Variants in BLK observed in about 807,000 individuals in gnomAD.
The protein encoded by BLK is BLK proto-oncogene, Src family tyrosine kinase, also known as tyrosine-protein kinase Blk.
BLK carries 64 observed loss-of-function variants against 61.8 expected under a neutral mutation model. That is an observed-to-expected ratio of 1.03 (90% CI 0.85 to 1.27). The LOEUF is 1.27. Ranked by LOEUF, BLK falls within the 50% of genes most tolerant of loss-of-function variation. BLK has a pLI of 0.00. For missense variants in BLK, 853 were observed against 660.5 expected (o/e 1.29, Z -3.19); for synonymous variants, 351 against 272.0 (o/e 1.29, Z -2.86).
At chr8:11,522,234 G>A (rs1317886906) in intron 1 of BLK, among the ~76,000 whole-genome samples, 1 of 152,036 alleles carries the variant, frequency 6.6e-6, no homozygotes, top group Non-Finnish European at 1.5e-5. Flanking sequence ...ATATGAATAG[G>A]CCGTATACAG....
intron 1 of BLK, among the ~76,000 whole-genome samples, chr8:11,514,566 A>T (rs1799149735): frequency 6.6e-6 from 1 of 152,172 alleles, no homozygotes. Flanking sequence ...CAAGTGACAC[A>T]GTGCAGAGAT....
In BLK at chr8:11,556,774, G is replaced by A; in HGVS notation, c.889G>A (p.Val297Ile). Residue 297 changes from valine to isoleucine, a missense_variant, in exon 9 of 13, where the codon GTC (valine) becomes ATC (isoleucine). Physicochemically the swap from Val to Ile is conservative, Grantham distance 29 (BLOSUM62 3). Transcript: ENST00000259089. Reference protein sequence around the residue: ...VMKALQHERLVRLYAVVTKEP... With the variant: ...VMKALQHERLIRLYAVVTKEP... ...GAAGGCTCTGCAGCACGAGCGGCTGGTCCGACTCTACGCAGTGGTCACCAA... is the reference window on the plus strand; with the variant it reads ...GAAGGCTCTGCAGCACGAGCGGCTGATCCGACTCTACGCAGTGGTCACCAA... 1 of 1,614,232 alleles carries A rather than the reference G, an allele frequency of 6.2e-7. No homozygotes were observed. The highest frequency in any genetic ancestry group is 8.5e-7 in the Non-Finnish European group (1 of 1,180,044).
At chr8:11,515,643 C>G (rs942967331) in intron 1 of BLK, among the ~76,000 whole-genome samples, 4 of 152,226 alleles carry the variant, frequency 2.6e-5, no homozygotes, top group African/African-American at 9.6e-5. Context: ...AGAGGCCAGT[C>G]ACTTACCTCC....
At position 11,564,471 on chromosome 8, in the gene BLK, T is replaced by G; in HGVS notation, c.*363T>G. The G allele has an allele frequency of 1.9e-6, 1 of 533,634 alleles. No homozygotes were observed. The allele number at this position is 533,634 out of a possible 1,614,324, so 33.1% of individuals were successfully genotyped here. On this transcript the variant is annotated 3_prime_UTR_variant, in exon 13 of 13. Coordinates refer to ENST00000259089, the MANE Select transcript of BLK (RefSeq NM_001715.3). ...TGGCCGCGTCCCCGCCTCTGCGCCC[T>G]GCGTGGACCCCGCCCTGCCCCGCTA...
At chr8:11,524,818 G>A (rs1799589215) in intron 1 of BLK, among the ~76,000 whole-genome samples, 1 of 150,594 alleles carries the variant, frequency 6.6e-6, no homozygotes, top group Non-Finnish European at 1.5e-5. Context: ...GGTTGCTGCA[G>A]ACAAAACAGG....
At chr8:11,555,990 C>T (rs1462345608) in intron 8 of BLK, 2 of 285,548 alleles carry the variant, frequency 7.0e-6, no homozygotes, top group Non-Finnish European at 1.4e-5. Flanking sequence ...GGATATAAAA[C>T]TCGTGTTCCG....
intron 1 of BLK, among the ~76,000 whole-genome samples, chr8:11,512,021 C>G (rs1266198481): frequency 2.0e-5 from 3 of 152,174 alleles, no homozygotes; most frequent in Non-Finnish European, 4.4e-5. Context: ...GAAAGATTTA[C>G]TGCATGTCTA....
intron 4 of BLK, 75 bp downstream of exon 4, chr8:11,548,200 C>T (rs1271133284): frequency 4.7e-6 from 6 of 1,280,648 alleles, no homozygotes; most frequent in Admixed American, 1.7e-5. Flanking sequence ...CCACCCACCA[C>T]ATCCTCCATG....
chr8:11,496,270 C>A (rs1302618036), intron 1 of BLK, among the ~76,000 whole-genome samples: 1 of 152,136 alleles, frequency 6.6e-6, no homozygotes, highest in Non-Finnish European at 1.5e-5. Flanking sequence ...TGGGGTCTTG[C>A]TCTGTTGCCC....
At chr8:11,531,606 G>T (rs143503352) in intron 1 of BLK, among the ~76,000 whole-genome samples, 1 of 152,040 alleles carries the variant, frequency 6.6e-6, no homozygotes, top group Non-Finnish European at 1.5e-5. Context: ...TTGAGTCTTC[G>T]GGTCTATAGC....
At chr8:11,526,649 G>A (rs986754671) in intron 1 of BLK, among the ~76,000 whole-genome samples, 2 of 152,200 alleles carry the variant, frequency 1.3e-5, no homozygotes, top group African/African-American at 4.8e-5. Flanking sequence ...AACCTGGGAG[G>A]TGGAGGTTGC....
chr8:11,503,554 G>A (rs1328937108), intron 1 of BLK, among the ~76,000 whole-genome samples: 2 of 152,148 alleles, frequency 1.3e-5, no homozygotes, highest in East Asian at 1.9e-4. Context: ...TTTCAGAGAG[G>A]CCTTTGCCAC....
chr8:11,546,427 G>T (rs564677105), intron 3 of BLK, among the ~76,000 whole-genome samples: 2 of 152,158 alleles, frequency 1.3e-5, no homozygotes, highest in African/African-American at 4.8e-5. Flanking sequence ...ACTCTCAAAC[G>T]CAAAGGGCTG....
intron 1 of BLK, among the ~76,000 whole-genome samples, chr8:11,521,590 C>G (rs1799450063): frequency 6.6e-6 from 1 of 152,158 alleles, no homozygotes; most frequent in South Asian, 2.1e-4. Flanking sequence ...TGTACCTGGA[C>G]CATATTTATG....
chr8:11,509,442 A>G (rs377122178), intron 1 of BLK: 1 of 152,326 alleles, frequency 6.6e-6, no homozygotes, highest in East Asian at 1.9e-4. Context: ...GAAATGCCTC[A>G]CCAGCTTCCA....
intron 1 of BLK, among the ~76,000 whole-genome samples, chr8:11,498,512 C>T (rs1026655138): frequency 3.9e-5 from 6 of 152,192 alleles, no homozygotes; most frequent in Non-Finnish European, 7.3e-5. Context: ...TTTTCTCTCT[C>T]AGCGTGTTGT....
At chr8:11,520,647 G>A (rs370948421) in intron 1 of BLK, among the ~76,000 whole-genome samples, 136 of 152,250 alleles carry the variant, frequency 8.9e-4, no homozygotes, top group Middle Eastern at 3.4e-3. Context: ...GCCAGATTCA[G>A]AAGTGAGAGA....
chr8:11,545,358 G>C (rs1257757728), intron 2 of BLK, among the ~76,000 whole-genome samples: 1 of 152,164 alleles, frequency 6.6e-6, no homozygotes, highest in East Asian at 1.9e-4. Flanking sequence ...AGATCAGCCT[G>C]GCCAACATGG....
At chr8:11,494,925 G>A (rs765995565) in intron 1 of BLK, among the ~76,000 whole-genome samples, 1 of 152,234 alleles carries the variant, frequency 6.6e-6, no homozygotes, top group Non-Finnish European at 1.5e-5. Flanking sequence ...CTGCGCTCCC[G>A]GCGAGTCACT....
Sources: allele counts gnomAD v4.1 joint callset (sites outside exome capture counted in the v4.1 genomes callset), GRCh38; gene constraint gnomAD v4.1.1; transcripts MANE v1.5; gene names NCBI Gene and HGNC (gene_info 2026-07-23, HGNC 2026-07-21).